STK17B: variants seen among roughly 807,000 people sequenced by gnomAD.
The protein encoded by STK17B is serine/threonine kinase 17b.
In STK17B, 21 loss-of-function variants were observed where a neutral mutation model predicts 42.0. The ratio of observed to expected loss-of-function variants is 0.50; its 90% CI spans 0.35 to 0.72. The LOEUF (loss-of-function observed/expected upper bound fraction) is 0.72, where lower values mean the gene tolerates loss of function less well. Ranked by LOEUF, STK17B falls within the 30% of genes least tolerant of loss-of-function variation. The pLI is 0.00. For synonymous variants in STK17B, 143 were observed against 148.4 expected (o/e 0.96, Z 0.26); for missense variants, 349 against 446.0 (o/e 0.78, Z 1.96).
Position 196,137,843 on chromosome 2 carries a change from A to T in STK17B, c.837-114T>A, listed in dbSNP as rs1178974665. 5 of 1,155,976 alleles carry T rather than the reference A, an allele frequency of 4.3e-6. 1 individual carries two copies. In the South Asian group the frequency reaches 8.1e-5, roughly 19 times the overall value. The allele number at this position is 1,155,976 out of a possible 1,614,324, so 71.6% of individuals were successfully genotyped here. A position where few individuals can be genotyped will look rare whatever the true frequency, so the allele number is the denominator to read the frequency against. On this transcript the variant is annotated intron_variant, in intron 7 of 7. Transcript: ENST00000263955. Reference sequence around the variant, plus strand: ...CTTCTTGTGAAAATAAAACATACTCATAGTATAAAATCCAAACAGTACAGA... The same window carrying T: ...CTTCTTGTGAAAATAAAACATACTCTTAGTATAAAATCCAAACAGTACAGA...
intron 7 of STK17B, among the ~76,000 whole-genome samples, chr2:196,138,565 CTTTTGGTTTTT>C (rs535869634): frequency 8.7e-5 from 13 of 149,270 alleles, no homozygotes; most frequent in African/African-American, 2.8e-4. Flanking sequence ...CTCCAAATCA[CTTTTGGTTTTT>C]TTTTGGTTTT....
intron 3 of STK17B, among the ~76,000 whole-genome samples, chr2:196,147,347 T>A (rs1344860616): frequency 6.6e-6 from 1 of 152,112 alleles, no homozygotes; most frequent in Non-Finnish European, 1.5e-5. Context: ...GTTTGTTGAA[T>A]GAATGAATGA....
intron 4 of STK17B, 24 bp from the exon 5 acceptor site, chr2:196,143,710 T>C: frequency 6.7e-7 from 1 of 1,483,302 alleles, no homozygotes; most frequent in Non-Finnish European, 9.0e-7. Context: ...AACAAAAACA[T>C]GATAAGTAAT....
chr2:196,171,807 C>T (rs1213609671), upstream of STK17B, among the ~76,000 whole-genome samples: 2 of 148,476 alleles, frequency 1.3e-5, no homozygotes, highest in Non-Finnish European at 1.5e-5. Flanking sequence ...AGGTGGGGCG[C>T]ACTCGGGCTG....
In STK17B at chr2:196,137,527, T is replaced by C. The variant is rs575911954; in HGVS notation, c.1039A>G (p.Ser347Gly). The change falls in exon 8 of 8, where the codon AGC becomes GGC. Residue 347 changes from serine to glycine, a missense_variant. This residue lies in a region of STK17B where 87 missense variants were observed against 78.8 expected (regional missense o/e 1.10). Transcript: ENST00000263955. ...REDKENIPED[S>G]SMVSKRFRFD... ...CGAAATCTTTTGGAAACCATGCTGC[T>C]ATCCTCTGGGATATTCTCTTTGTCT... 10 of 1,614,138 alleles carry C rather than the reference T, an allele frequency of 6.2e-6. No individual in the cohort carries two copies. In the Admixed American group the frequency reaches 8.3e-5, roughly 13 times the overall value.
intron 1 of STK17B, among the ~76,000 whole-genome samples, chr2:196,170,639 T>C (rs1699927711): frequency 6.6e-6 from 1 of 152,140 alleles, no homozygotes; most frequent in African/African-American, 2.4e-5. Flanking sequence ...TGGGTAAATG[T>C]CAAAAATCGT....
At chr2:196,161,751 C>T (rs531132145) in intron 2 of STK17B, among the ~76,000 whole-genome samples, 67 of 151,924 alleles carry the variant, frequency 4.4e-4, no homozygotes, top group Middle Eastern at 3.4e-3. Flanking sequence ...CTCCTGACCT[C>T]GTGACCCACC....
chr2:196,149,510 GCCAACAT>G (rs1387258543), intron 3 of STK17B, among the ~76,000 whole-genome samples: 20 of 152,080 alleles, frequency 1.3e-4, no homozygotes, highest in African/African-American at 4.8e-4. Context: ...TGCAAATCTA[GCCAACAT>G]CTCGCCTTTC....
chr2:196,169,588 G>GT (rs1165384831), intron 1 of STK17B, among the ~76,000 whole-genome samples: 2 of 152,076 alleles, frequency 1.3e-5, no homozygotes, highest in African/African-American at 4.8e-5. Context: ...CTTAACAAAA[G>GT]TAAAACAGAG....
At chr2:196,168,991 C>T (rs1559417573) in intron 1 of STK17B, among the ~76,000 whole-genome samples, 3 of 151,904 alleles carry the variant, frequency 2.0e-5, no homozygotes, top group Admixed American at 2.0e-4. Flanking sequence ...AAACAAATAC[C>T]CATACAGTGC....
upstream of STK17B, among the ~76,000 whole-genome samples, chr2:196,172,783 A>G (rs1396917777): frequency 1.3e-5 from 2 of 152,212 alleles, no homozygotes; most frequent in African/African-American, 4.8e-5. Context: ...TCTTGTTGCT[A>G]ACAATTGGGC....
At chr2:196,174,537 A>C (rs1354406993), upstream of STK17B, 1 of 152,246 alleles carries the variant, frequency 6.6e-6, no homozygotes, top group Non-Finnish European at 1.5e-5. Context: ...ACCTGTCTAG[A>C]ACTGAATATA....
chr2:196,172,861 A>G (rs1341681747), upstream of STK17B, among the ~76,000 whole-genome samples: 1 of 152,190 alleles, frequency 6.6e-6, no homozygotes, highest in Non-Finnish European at 1.5e-5. Flanking sequence ...TTTCTGGGGT[A>G]TAAGAATCCG....
intron 4 of STK17B, among the ~76,000 whole-genome samples, chr2:196,144,022 A>T (rs1325564330): frequency 5.0e-5 from 1 of 20,126 alleles, no homozygotes; most frequent in Non-Finnish European, 1.1e-4. Flanking sequence ...GCTGAGACTT[A>T]AAAGAGTATG....
At chr2:196,153,357 G>C (rs1308168150) in intron 3 of STK17B, 2 of 151,452 alleles carry the variant, frequency 1.3e-5, no homozygotes, top group Non-Finnish European at 2.9e-5. Flanking sequence ...AAGTGAATAA[G>C]CAAGTATTGC....
chr2:196,156,271 G>T, intron 3 of STK17B, 168 bp downstream of exon 3: 1 of 590,894 alleles, frequency 1.7e-6, no homozygotes, highest in Non-Finnish European at 2.9e-6. Flanking sequence ...TGTGCCCGAG[G>T]CTATACATTT....
At chr2:196,161,313 T>C (rs1699809347) in intron 2 of STK17B, among the ~76,000 whole-genome samples, 6 of 151,868 alleles carry the variant, frequency 4.0e-5, no homozygotes, top group Admixed American at 3.9e-4. Context: ...AAAAAAACCT[T>C]TCTTCCTATT....
chr2:196,147,099 G>T (rs1699587315), intron 3 of STK17B, among the ~76,000 whole-genome samples: 1 of 152,022 alleles, frequency 6.6e-6, no homozygotes, highest in South Asian at 2.1e-4. Flanking sequence ...AAAATCCACA[G>T]ATTTTTTTAG....
Position 196,137,457 on chromosome 2 carries a change from A to G in STK17B, c.1109T>C (p.Leu370Ser), listed in dbSNP as rs1699422678. 7 of 1,613,522 alleles carry G rather than the reference A, an allele frequency of 4.3e-6. 1 individual carries two copies. In the Middle Eastern group the frequency reaches 6.6e-4, roughly 152 times the overall value. ...TCAAAGAAAAAAGTGCTAACAGAGC[A>G]AATCTGAAACAAGTTCATGGGGATT... ...LPNPHELVSD[L>S]LC is the part of the protein sequence containing the mutation. The change falls in exon 8 of 8, where the codon TTG becomes TCG. Residue 370 changes from leucine (L) to serine (S), a missense_variant. Around this residue, in one of 3 missense-constraint regions of STK17B, gnomAD observed 87 missense variants for 78.8 expected, o/e 1.10. Coordinates refer to ENST00000263955, the MANE Select transcript of STK17B (RefSeq NM_004226.4).
Sources: allele counts gnomAD v4.1 joint callset (sites outside exome capture counted in the v4.1 genomes callset), GRCh38; gene constraint gnomAD v4.1.1; regional missense constraint gnomAD v4.1.1; transcripts MANE v1.5; gene names NCBI Gene and HGNC (gene_info 2026-07-23, HGNC 2026-07-21).